LIMCH1: variants seen among roughly 807,000 people sequenced by gnomAD.
LIMCH1 encodes the protein LIM and calponin homology domains 1, also known as LIM and calponin homology domains-containing protein 1.
LIMCH1 carries 113 observed loss-of-function variants against 176.5 expected under a neutral mutation model. The ratio of observed to expected loss-of-function variants is 0.64; its 90% confidence interval spans 0.55 to 0.75. The LOEUF (loss-of-function observed/expected upper bound fraction) is 0.75, where lower values mean the gene tolerates loss of function less well. LIMCH1 is among the 30% of genes least tolerant of loss of function. The pLI is 0.00. For missense variants in LIMCH1, 1,674 were observed against 1,814.9 expected (o/e 0.92, Z 1.41); for synonymous variants, 619 against 645.9 (o/e 0.96, Z 0.63).
At chr4:41,694,941 G>T (rs1470591235) in intron 31 of LIMCH1, among the ~76,000 whole-genome samples, 1 of 151,908 alleles carries the variant, frequency 6.6e-6, no homozygotes, top group African/African-American at 2.4e-5. Context: ...TCTGCTTGGT[G>T]GGGGAAAAAA....
intron 14 of LIMCH1, among the ~76,000 whole-genome samples, chr4:41,639,928 G>A: frequency 6.6e-6 from 1 of 152,090 alleles, no homozygotes. Context: ...CACACAATGA[G>A]GAATTTGAAT....
At chr4:41,466,664 C>T (rs1488711676) in intron 1 of LIMCH1, among the ~76,000 whole-genome samples, 1 of 152,130 alleles carries the variant, frequency 6.6e-6, no homozygotes, top group Non-Finnish European at 1.5e-5. Flanking sequence ...TGATAGATTT[C>T]CTGTGTCATT....
At chr4:41,456,059 C>T (rs1033634985) in intron 1 of LIMCH1, among the ~76,000 whole-genome samples, 74 of 151,944 alleles carry the variant, frequency 4.9e-4, no homozygotes, top group African/African-American at 1.8e-3. Context: ...TTGTTTTTGC[C>T]TGCATGAGTT....
chr4:41,564,848 G>A (rs2082509445), intron 1 of LIMCH1, among the ~76,000 whole-genome samples: 1 of 152,068 alleles, frequency 6.6e-6, no homozygotes, highest in African/African-American at 2.4e-5. Flanking sequence ...TGAGTGAGTT[G>A]TCACGAGATC....
At chr4:41,671,410 A>T in intron 21 of LIMCH1, 144 bp from the exon 22 acceptor site, 1 of 480,778 alleles carries the variant, frequency 2.1e-6, no homozygotes, top group Non-Finnish European at 3.6e-6. Context: ...ACACACACAC[A>T]CACACACACA....
intron 8 of LIMCH1, among the ~76,000 whole-genome samples, chr4:41,628,573 TTCCA>T (rs1386310684): frequency 6.6e-6 from 1 of 152,192 alleles, no homozygotes; most frequent in Non-Finnish European, 1.5e-5. Context: ...CCTCTTGATT[TTCCA>T]GCTTGAATGA....
At chr4:41,471,983 A>G (rs2067023977) in intron 1 of LIMCH1, among the ~76,000 whole-genome samples, 1 of 152,038 alleles carries the variant, frequency 6.6e-6, no homozygotes, top group Non-Finnish European at 1.5e-5. Flanking sequence ...TTCTTTCCTT[A>G]ACTTTTCTGT....
At chr4:41,642,011 C>T (rs143136860) in intron 14 of LIMCH1, among the ~76,000 whole-genome samples, 1 of 152,162 alleles carries the variant, frequency 6.6e-6, no homozygotes, top group Non-Finnish European at 1.5e-5. Flanking sequence ...TCTCCATGCC[C>T]ATTGGGTGAG....
intron 1 of LIMCH1, among the ~76,000 whole-genome samples, chr4:41,416,074 A>G (rs2059909186): frequency 2.6e-5 from 4 of 152,052 alleles, no homozygotes; most frequent in Admixed American, 2.6e-4. Flanking sequence ...GTACTGACTT[A>G]GTAAAGATTT....
chr4:41,671,561 T>G lies in LIMCH1; in HGVS notation c.3405T>G (p.Ser1135=), dbSNP rs2095034039. Residue 1135 remains serine, a synonymous_variant, in exon 22 of 32, where the codon TCT becomes TCG. Coordinates refer to ENST00000503057, the MANE Select transcript of LIMCH1 (RefSeq NM_001330672.2). ...HLPNLNSQVD[S]PSSEKSPVMT... ...TCTTTTTTTTCTGTGCAGTGGATTC[T>G]CCAAGCAGTGAGAAGTCACCTGTTA... is the stretch of plus-strand genomic sequence containing the variant. 1.2e-6 allele frequency: 2 copies of G among 1,605,300 alleles called. No homozygotes were observed. Among genetic ancestry groups the G allele is most frequent in the East Asian group, 2.2e-5 (1 of 44,860 alleles).
chr4:41,426,107 C>T (rs1265391069), intron 1 of LIMCH1, among the ~76,000 whole-genome samples: 1 of 147,208 alleles, frequency 6.8e-6, no homozygotes. Flanking sequence ...CTGCAAGTTC[C>T]GCCTCCCGGG....
intron 1 of LIMCH1, among the ~76,000 whole-genome samples, chr4:41,574,226 G>A (rs1302192308): frequency 9.7e-6 from 1 of 103,546 alleles, no homozygotes; most frequent in African/African-American, 3.9e-5. Context: ...TTATATCCTT[G>A]AAGATCCCCT....
intron 3 of LIMCH1, among the ~76,000 whole-genome samples, chr4:41,532,341 T>C (rs2077418297): frequency 6.6e-6 from 1 of 152,208 alleles, no homozygotes; most frequent in Admixed American, 6.5e-5. Context: ...ACAGGTCATC[T>C]CGTGTCCCTC....
chr4:41,586,255 C>T (rs2086453638), intron 1 of LIMCH1, among the ~76,000 whole-genome samples: 2 of 152,014 alleles, frequency 1.3e-5, no homozygotes, highest in African/African-American at 4.8e-5. Context: ...ACTATAGGCA[C>T]ATGTCACCAT....
At chr4:41,444,749 CAACATTGGGGA>C (rs1399008336) in intron 1 of LIMCH1, among the ~76,000 whole-genome samples, 1 of 152,172 alleles carries the variant, frequency 6.6e-6, no homozygotes, top group Admixed American at 6.5e-5. Context: ...CAGTCTTGCT[CAACATTGGGGA>C]TTTGAATAGC....
intron 1 of LIMCH1, among the ~76,000 whole-genome samples, chr4:41,450,206 T>C (rs1364910673): frequency 6.6e-6 from 1 of 152,250 alleles, no homozygotes; most frequent in Non-Finnish European, 1.5e-5. Context: ...GATACACTTA[T>C]AATGTCAAAT....
intron 18 of LIMCH1, among the ~76,000 whole-genome samples, chr4:41,655,366 C>T (rs2094434440): frequency 6.6e-6 from 1 of 152,058 alleles, no homozygotes; most frequent in Admixed American, 6.5e-5. Context: ...ACTCAGAGAC[C>T]ACAGGTGCCA....
At chr4:41,470,918 G>A in intron 1 of LIMCH1, among the ~76,000 whole-genome samples, 1 of 152,006 alleles carries the variant, frequency 6.6e-6, no homozygotes, top group East Asian at 1.9e-4. Context: ...GATTCTTATG[G>A]AGAGGTTAAA....
At chr4:41,585,005 C>T (rs1045795361) in intron 1 of LIMCH1, among the ~76,000 whole-genome samples, 2 of 152,140 alleles carry the variant, frequency 1.3e-5, no homozygotes, top group Non-Finnish European at 2.9e-5. Flanking sequence ...CAAGGATGCT[C>T]TCTGGGGTCT....
Sources: allele counts gnomAD v4.1 joint callset (sites outside exome capture counted in the v4.1 genomes callset), GRCh38; gene constraint gnomAD v4.1.1; transcripts MANE v1.5; gene names NCBI Gene and HGNC (gene_info 2026-07-23, HGNC 2026-07-21).